The following KCND2 variants were observed in gnomAD, a reference collection of about 807,000 sequenced individuals.
KCND2 encodes A-type voltage-gated potassium channel KCND2.
A neutral mutation model predicts 54.4 loss-of-function variants in KCND2; 16 were observed. The ratio of observed to expected loss-of-function variants is 0.29; its 90% confidence interval spans 0.20 to 0.45. The LOEUF (loss-of-function observed/expected upper bound fraction) is 0.45, where lower values mean the gene tolerates loss of function less well. Among genes scored for constraint, KCND2 ranks in the 20% least tolerant of loss-of-function variants. The pLI is 1.00. For missense variants in KCND2, 486 were observed against 824.2 expected, an observed-to-expected ratio of 0.59 and a Z score of 5.02; for synonymous variants, 317 against 310.7, an observed-to-expected ratio of 1.02 and a Z score of -0.21.
intron 1 of KCND2, among the ~76,000 whole-genome samples, chr7:120,702,237 T>A (rs1342685585): frequency 1.3e-5 from 2 of 152,182 alleles, no homozygotes; most frequent in Non-Finnish European, 1.5e-5. Context: ...AAACCACAGT[T>A]AGATACCATC....
chr7:120,636,358 C>T (rs1793304963), intron 1 of KCND2, among the ~76,000 whole-genome samples: 2 of 152,034 alleles, frequency 1.3e-5, no homozygotes, highest in East Asian at 3.9e-4. Flanking sequence ...ATTCCCATTA[C>T]TATTATGATA....
intron 1 of KCND2, among the ~76,000 whole-genome samples, chr7:120,586,046 G>A (rs539543652): frequency 3.9e-5 from 6 of 152,074 alleles, no homozygotes; most frequent in African/African-American, 1.2e-4. Context: ...AAAATGCTAC[G>A]GACTACTTGA....
intron 1 of KCND2, among the ~76,000 whole-genome samples, chr7:120,677,106 T>TCAGC (rs1356148799): frequency 1.3e-5 from 2 of 152,188 alleles, no homozygotes; most frequent in Non-Finnish European, 2.9e-5. Context: ...CTATCAGTGA[T>TCAGC]CAGCCTGTCA....
intron 1 of KCND2, among the ~76,000 whole-genome samples, chr7:120,638,465 G>A (rs914500283): frequency 3.3e-5 from 5 of 152,118 alleles, no homozygotes; most frequent in African/African-American, 1.2e-4. Context: ...AATTTCCCCT[G>A]CCATCTGGGG....
intron 1 of KCND2, among the ~76,000 whole-genome samples, chr7:120,431,738 T>A (rs1190952013): frequency 6.6e-6 from 1 of 152,188 alleles, no homozygotes; most frequent in Admixed American, 6.5e-5. Context: ...AACCCAGCAT[T>A]TGAATTATAT....
intron 1 of KCND2, among the ~76,000 whole-genome samples, chr7:120,383,144 A>G (rs573893506): frequency 4.7e-4 from 71 of 152,108 alleles, no homozygotes; most frequent in South Asian, 1.0e-3. Flanking sequence ...ATTCTGAGTG[A>G]TATCCTACCA....
intron 1 of KCND2, among the ~76,000 whole-genome samples, chr7:120,517,916 T>TCTA (rs1264588878): frequency 1.3e-5 from 2 of 152,160 alleles, no homozygotes; most frequent in African/African-American, 4.8e-5. Flanking sequence ...CCAGATGTCT[T>TCTA]CTTAGAACAC....
intron 1 of KCND2, among the ~76,000 whole-genome samples, chr7:120,661,831 A>G (rs1032710642): frequency 2.0e-5 from 3 of 152,146 alleles, no homozygotes; most frequent in African/African-American, 7.2e-5. Context: ...GGAATGTTAA[A>G]GGGTGGCAAA....
chr7:120,628,971 G>A (rs1793195017), intron 1 of KCND2, among the ~76,000 whole-genome samples: 1 of 152,168 alleles, frequency 6.6e-6, no homozygotes, highest in South Asian at 2.1e-4. Context: ...AGGGAATAAA[G>A]ACAATACATA....
At chr7:120,605,322 ATTTGTACCCT>A in intron 1 of KCND2, among the ~76,000 whole-genome samples, 1 of 152,248 alleles carries the variant, frequency 6.6e-6, no homozygotes, top group African/African-American at 2.4e-5. Flanking sequence ...GTCATTCCAC[ATTTGTACCCT>A]TTTGTATCTA....
intron 1 of KCND2, among the ~76,000 whole-genome samples, chr7:120,435,835 A>G (rs1484431510): frequency 6.6e-6 from 1 of 152,036 alleles, no homozygotes; most frequent in Non-Finnish European, 1.5e-5. Flanking sequence ...GTGTTTGGGC[A>G]ATTGATGTGT....
intron 1 of KCND2, among the ~76,000 whole-genome samples, chr7:120,624,443 A>G (rs1392983006): frequency 1.3e-5 from 2 of 152,170 alleles, no homozygotes; most frequent in Non-Finnish European, 2.9e-5. Context: ...TTATTTTTGT[A>G]TCCAATAATA....
At chr7:120,360,845 CTT>C (rs1215710375) in intron 1 of KCND2, among the ~76,000 whole-genome samples, 1 of 152,030 alleles carries the variant, frequency 6.6e-6, no homozygotes, top group African/African-American at 2.4e-5. Flanking sequence ...TGGAAATAGA[CTT>C]TTACTTATTT....
intron 1 of KCND2, among the ~76,000 whole-genome samples, chr7:120,478,596 C>G (rs1370075002): frequency 6.6e-6 from 1 of 151,906 alleles, no homozygotes; most frequent in South Asian, 2.1e-4. Context: ...AAATGAAGAA[C>G]TTTTTTAAAG....
intron 1 of KCND2, among the ~76,000 whole-genome samples, chr7:120,339,675 CCACACACGTGCGCACATAGACATGTG>C (rs1800212474): frequency 6.6e-6 from 1 of 152,008 alleles, no homozygotes; most frequent in African/African-American, 2.4e-5. Context: ...TTAGGGAAAC[CCACACACGTGCGCACATAGACATGTG>C]CACACACACA....
At chr7:120,744,796 C>T (rs1792984912) in intron 4 of KCND2, among the ~76,000 whole-genome samples, 1 of 152,000 alleles carries the variant, frequency 6.6e-6, no homozygotes, top group Admixed American at 6.6e-5. Flanking sequence ...ATGTGCAAAG[C>T]CTTCCATTAT....
At chr7:120,719,318 C>A (rs1792640008) in intron 1 of KCND2, among the ~76,000 whole-genome samples, 1 of 152,132 alleles carries the variant, frequency 6.6e-6, no homozygotes, top group Non-Finnish European at 1.5e-5. Context: ...ATTCAACCAC[C>A]ATTGATCATG....
intron 4 of KCND2, among the ~76,000 whole-genome samples, chr7:120,743,896 AT>A (rs1202333041): frequency 6.6e-6 from 1 of 152,258 alleles, no homozygotes; most frequent in African/African-American, 2.4e-5. Flanking sequence ...TTATACTTGC[AT>A]TTTTAAATAA....
intron 1 of KCND2, among the ~76,000 whole-genome samples, chr7:120,541,304 A>C (rs1351737460): frequency 6.6e-6 from 1 of 152,098 alleles, no homozygotes; most frequent in Non-Finnish European, 1.5e-5. Context: ...TTATTCCCAA[A>C]CCTCACTGAT....
Sources: gnomAD v4.1 joint callset for allele counts (sites outside exome capture counted in the v4.1 genomes callset) on GRCh38, gnomAD v4.1.1 for gene constraint, MANE v1.5 for transcripts, NCBI Gene and HGNC (gene_info 2026-07-23, HGNC 2026-07-21) for gene names.